The following NCKAP5 variants were observed in gnomAD, a reference collection of about 807,000 sequenced individuals.
NCKAP5 encodes NCK associated protein 5.
A neutral mutation model predicts 167.0 loss-of-function variants in NCKAP5; 92 were observed. That is an observed-to-expected ratio of 0.55 (90% CI 0.47 to 0.66). NCKAP5 has a LOEUF of 0.66. NCKAP5 is among the 30% of genes least tolerant of loss of function. The pLI, the probability that NCKAP5 is intolerant of heterozygous loss-of-function variation, is 0.00. For missense variants in NCKAP5, 2,378 were observed against 2,315.0 expected (o/e 1.03, Z -0.56); for synonymous variants, 891 against 877.4 (o/e 1.02, Z -0.27).
At chr2:133,233,287 C>T (rs766520941) in intron 4 of NCKAP5, among the ~76,000 whole-genome samples, 2 of 152,124 alleles carry the variant, frequency 1.3e-5, no homozygotes, top group African/African-American at 2.4e-5. Flanking sequence ...CCCTGCCCTC[C>T]GAAAGCTAGA....
intron 9 of NCKAP5, among the ~76,000 whole-genome samples, chr2:132,875,266 G>C (rs1388807246): frequency 6.6e-6 from 1 of 152,186 alleles, no homozygotes; most frequent in Non-Finnish European, 1.5e-5. Flanking sequence ...AGCAGGTACA[G>C]AGGAGAAGCA....
At chr2:133,316,673 G>A (rs944646584) in intron 3 of NCKAP5, among the ~76,000 whole-genome samples, 2 of 152,142 alleles carry the variant, frequency 1.3e-5, no homozygotes, top group Non-Finnish European at 2.9e-5. Flanking sequence ...CAAGAGGAGC[G>A]AACATTCCTC....
chr2:133,324,620 C>T (rs905624743), intron 3 of NCKAP5, among the ~76,000 whole-genome samples: 7 of 151,978 alleles, frequency 4.6e-5, no homozygotes, highest in African/African-American at 7.2e-5. Flanking sequence ...CTGATTTCAG[C>T]GAAATAAAAG....
In NCKAP5 at chr2:133,368,515, G is replaced by A. The variant is rs79568092; in HGVS notation, c.70-65405C>T. ...CTTGGTGAAAAATACAATTATTAGC[G>A]GTTCACATGTAATTTAGTCCCTCAG... is the stretch of plus-strand genomic sequence containing the variant. On this transcript the variant is annotated intron_variant, in intron 3 of 19. Coordinates refer to ENST00000409261, the MANE Select transcript of NCKAP5 (RefSeq NM_207363.3). Among the ~76,000 whole-genome samples, 102 of 152,106 alleles carry A rather than the reference G, an allele frequency of 6.7e-4. 1 individual carries two copies. The highest frequency in any genetic ancestry group is 1.9e-3 in the African/African-American group (80 of 41,472).
intron 11 of NCKAP5, among the ~76,000 whole-genome samples, chr2:132,831,200 A>T (rs960435922): frequency 5.3e-5 from 8 of 152,110 alleles, no homozygotes; most frequent in African/African-American, 1.9e-4. Flanking sequence ...CCTTTTCCCC[A>T]CTAAACTTTA....
At chr2:133,036,885 G>A (rs1259557863) in intron 6 of NCKAP5, among the ~76,000 whole-genome samples, 1 of 152,142 alleles carries the variant, frequency 6.6e-6, no homozygotes, top group East Asian at 1.9e-4. Flanking sequence ...AATTATCCTT[G>A]TTGGCAGATG....
intron 3 of NCKAP5, among the ~76,000 whole-genome samples, chr2:133,367,896 G>A (rs1574813450): frequency 1.3e-5 from 2 of 152,164 alleles, no homozygotes; most frequent in Non-Finnish European, 2.9e-5. Flanking sequence ...CTTTTTGGAT[G>A]TTAGGATTGT....
chr2:133,512,013 A>G (rs754542302), intron 3 of NCKAP5, among the ~76,000 whole-genome samples: 9 of 152,138 alleles, frequency 5.9e-5, no homozygotes, highest in African/African-American at 9.7e-5. Context: ...CAGTATCCCT[A>G]TGGTAAGAGG....
intron 16 of NCKAP5, among the ~76,000 whole-genome samples, chr2:132,753,540 T>C (rs982446600): frequency 1.4e-4 from 22 of 152,206 alleles, no homozygotes. Flanking sequence ...AAAACAAATG[T>C]GCCTGCATTT....
chr2:132,898,571 T>G (rs1693380330), intron 8 of NCKAP5, among the ~76,000 whole-genome samples: 1 of 152,224 alleles, frequency 6.6e-6, no homozygotes, highest in South Asian at 2.1e-4. Flanking sequence ...TGTCACTACT[T>G]AAATATAAGA....
intron 3 of NCKAP5, among the ~76,000 whole-genome samples, chr2:133,426,169 C>T (rs1689784507): frequency 6.6e-6 from 1 of 152,010 alleles, no homozygotes; most frequent in African/African-American, 2.4e-5. Flanking sequence ...ACTTGGGAGG[C>T]TGAGGCAGGA....
the NCKAP5 span, among the ~76,000 whole-genome samples, chr2:133,577,782 A>C: frequency 2.0e-5 from 3 of 152,128 alleles, no homozygotes; most frequent in Non-Finnish European, 1.5e-5. Flanking sequence ...GGCCAAGTAT[A>C]TGTGAAGTAC....
intron 16 of NCKAP5, among the ~76,000 whole-genome samples, chr2:132,737,300 T>A (rs1691617812): frequency 6.6e-6 from 1 of 152,066 alleles, no homozygotes; most frequent in Non-Finnish European, 1.5e-5. Context: ...TTGAATACAT[T>A]CCCTTGCATA....
intron 3 of NCKAP5, among the ~76,000 whole-genome samples, chr2:133,447,610 T>C (rs1430021790): frequency 7.1e-6 from 1 of 140,212 alleles, no homozygotes; most frequent in Non-Finnish European, 1.5e-5. Context: ...TTTCCCCTTC[T>C]GTTCCCTTCC....
At position 133,111,507 on chromosome 2, in the gene NCKAP5, C is replaced by A. The variant is rs115770840; in HGVS notation, c.341+18471G>T. ...GAATTACCAGTGAACAAGATCAACTCATTTACATGTAATCAGTGGGGATCA... is the reference window on the plus strand; with the variant it reads ...GAATTACCAGTGAACAAGATCAACTAATTTACATGTAATCAGTGGGGATCA... On this transcript the variant is annotated intron_variant, in intron 6 of 19. Transcript: ENST00000409261. Among the ~76,000 whole-genome samples, 20 of 152,232 alleles carry A rather than the reference C, an allele frequency of 1.3e-4. 1 individual carries two copies. In the South Asian group the frequency reaches 3.9e-3, roughly 30 times the overall value.
chr2:133,659,409 T>C, the NCKAP5 span, among the ~76,000 whole-genome samples: 5 of 152,160 alleles, frequency 3.3e-5, no homozygotes, highest in Non-Finnish European at 7.3e-5. Flanking sequence ...CATAAGAGTA[T>C]ATCTTAATGA....
At chr2:132,885,003 A>G (rs759669869) in intron 8 of NCKAP5, among the ~76,000 whole-genome samples, 7 of 152,226 alleles carry the variant, frequency 4.6e-5, no homozygotes, top group African/African-American at 7.2e-5. Flanking sequence ...TGAAAGCACA[A>G]TAGTCACATT....
At chr2:132,927,156 T>C (rs1342183952) in intron 8 of NCKAP5, among the ~76,000 whole-genome samples, 13 of 152,206 alleles carry the variant, frequency 8.5e-5, no homozygotes, top group Non-Finnish European at 1.5e-4. Context: ...CTGTCAACTT[T>C]GTCAAAAATC....
At chr2:133,012,099 C>T (rs2320400) in intron 6 of NCKAP5, among the ~76,000 whole-genome samples, 7,578 of 152,180 alleles carry the variant, frequency 0.05, 571 homozygotes, top group African/African-American at 0.17. Flanking sequence ...TCCTTTCTCC[C>T]GTTGCAATCT....
Sources: gnomAD v4.1 joint callset for allele counts (sites outside exome capture counted in the v4.1 genomes callset) on GRCh38, gnomAD v4.1.1 for gene constraint, MANE v1.5 for transcripts, NCBI Gene and HGNC (gene_info 2026-07-23, HGNC 2026-07-21) for gene names.